GPC5: variants seen among roughly 807,000 people sequenced by gnomAD.
GPC5 encodes glypican 5.
GPC5 carries 47 observed loss-of-function variants against 53.9 expected under a neutral mutation model. The ratio of observed to expected loss-of-function variants is 0.87; its 90% CI spans 0.69 to 1.11. GPC5 has a LOEUF of 1.11. Among genes scored for constraint, GPC5 ranks in the 50% most tolerant of loss-of-function variants. The probability of loss-of-function intolerance (pLI) is 0.00; values close to 1 mark genes in which losing one functional copy is unlikely to be tolerated. For missense variants in GPC5, 748 were observed against 713.1 expected (o/e 1.05, Z -0.56); for synonymous variants, 286 against 263.3 (o/e 1.09, Z -0.84).
At chr13:92,694,561 T>A (rs1344184585) in intron 7 of GPC5, among the ~76,000 whole-genome samples, 1 of 152,246 alleles carries the variant, frequency 6.6e-6, no homozygotes, top group Non-Finnish European at 1.5e-5. Context: ...CATGGGCCTG[T>A]CATCCCTTTA....
chr13:92,760,714 T>C (rs1484659300), intron 7 of GPC5, among the ~76,000 whole-genome samples: 1 of 152,072 alleles, frequency 6.6e-6, no homozygotes, highest in African/African-American at 2.4e-5. Flanking sequence ...TTTAGTTTGA[T>C]CTTTATTTTT....
chr13:92,338,911 A>G (rs2043344301), intron 7 of GPC5, among the ~76,000 whole-genome samples: 2 of 152,126 alleles, frequency 1.3e-5, no homozygotes, highest in South Asian at 4.1e-4. Context: ...TGATATGTCA[A>G]TATAGATTCA....
At chr13:92,507,461 A>G (rs1880413730) in intron 7 of GPC5, among the ~76,000 whole-genome samples, 1 of 152,150 alleles carries the variant, frequency 6.6e-6, no homozygotes, top group South Asian at 2.1e-4. Flanking sequence ...TATTTTTTTC[A>G]TTCTGCAGTA....
At chr13:92,196,879 T>C (rs74857829) in intron 7 of GPC5, among the ~76,000 whole-genome samples, 2,232 of 152,282 alleles carry the variant, frequency 0.015, 60 homozygotes, top group African/African-American at 0.051. Flanking sequence ...GTTTCTATCT[T>C]CAGAGAGTGT....
chr13:91,428,262 TAGAATTTTTCTGAGTGACAGAAAGA>T (rs1879196131), intron 1 of GPC5, among the ~76,000 whole-genome samples: 1 of 151,584 alleles, frequency 6.6e-6, no homozygotes. Context: ...TAAGGCAGAG[TAGAATTTTTCTGAGTGACAGAAAGA>T]AAGCCCTCAG....
intron 7 of GPC5, among the ~76,000 whole-genome samples, chr13:92,341,863 T>C (rs994862347): frequency 6.6e-6 from 1 of 152,122 alleles, no homozygotes; most frequent in Non-Finnish European, 1.5e-5. Context: ...GGGGGAAATC[T>C]TTACCAATAA....
chr13:92,507,402 T>C (rs1880411006), intron 7 of GPC5, among the ~76,000 whole-genome samples: 1 of 152,236 alleles, frequency 6.6e-6, no homozygotes, highest in South Asian at 2.1e-4. Flanking sequence ...TAGCTTTCTT[T>C]GGCTTCAGTC....
chr13:92,730,604 C>CTT (rs146004832), intron 7 of GPC5, among the ~76,000 whole-genome samples: 17 of 149,748 alleles, frequency 1.1e-4, no homozygotes, highest in East Asian at 3.9e-4. Flanking sequence ...CTTTTTATTT[C>CTT]TTTTTTTTTG....
chr13:92,037,899 A>G (rs2040906431), intron 6 of GPC5, among the ~76,000 whole-genome samples: 2 of 152,178 alleles, frequency 1.3e-5, no homozygotes, highest in South Asian at 2.1e-4. Context: ...GAAGATTTTG[A>G]GCAGATTTCA....
intron 7 of GPC5, among the ~76,000 whole-genome samples, chr13:92,635,803 C>T (rs1000946462): frequency 6.6e-6 from 1 of 152,160 alleles, no homozygotes; most frequent in Non-Finnish European, 1.5e-5. Flanking sequence ...TTCCTTCTGC[C>T]AAGCTTACAT....
chr13:92,572,860 C>T (rs771025103), intron 7 of GPC5, among the ~76,000 whole-genome samples: 4 of 152,100 alleles, frequency 2.6e-5, no homozygotes, highest in Admixed American at 6.6e-5. Context: ...ATTCCTGTAG[C>T]TCTTCCCAAA....
intron 6 of GPC5, among the ~76,000 whole-genome samples, chr13:91,957,386 A>T (rs2040083434): frequency 6.6e-6 from 1 of 152,170 alleles, no homozygotes. Flanking sequence ...GACAAAGGGA[A>T]AGGAATAGAA....
intron 7 of GPC5, among the ~76,000 whole-genome samples, chr13:92,199,555 A>G (rs912806606): frequency 6.6e-6 from 1 of 152,214 alleles, no homozygotes; most frequent in Admixed American, 6.5e-5. Context: ...GACTTGAAAT[A>G]CTGTCTACTT....
chr13:91,512,659 A>G (rs571564987), intron 2 of GPC5, among the ~76,000 whole-genome samples: 39 of 152,218 alleles, frequency 2.6e-4, no homozygotes, highest in Admixed American at 2.2e-3. Context: ...GCTCCTCAGT[A>G]TGGTAATCTC....
intron 1 of GPC5, among the ~76,000 whole-genome samples, chr13:91,426,961 G>A (rs370143266): frequency 6.6e-6 from 1 of 152,240 alleles, no homozygotes; most frequent in Non-Finnish European, 1.5e-5. Flanking sequence ...GCTTCAGAGG[G>A]TGCAAGTCCC....
chr13:92,383,753 T>C (rs2043769419), intron 7 of GPC5, among the ~76,000 whole-genome samples: 1 of 152,208 alleles, frequency 6.6e-6, no homozygotes, highest in Non-Finnish European at 1.5e-5. Context: ...ACTCATGTCC[T>C]AAGTATAACT....
intron 2 of GPC5, among the ~76,000 whole-genome samples, chr13:91,573,448 C>G (rs1217210296): frequency 6.6e-6 from 1 of 152,138 alleles, no homozygotes; most frequent in Non-Finnish European, 1.5e-5. Flanking sequence ...ACTTTCTGAT[C>G]CTATGCGTAT....
chr13:92,342,467 G>C (rs1412743138), intron 7 of GPC5, among the ~76,000 whole-genome samples: 2 of 152,048 alleles, frequency 1.3e-5, no homozygotes, highest in East Asian at 3.9e-4. Flanking sequence ...CCGCCCTCAT[G>C]AATGAGATTA....
rs550711186 is a variant in GPC5, at chr13:92,069,096, C to A, written c.1402-75734C>A. On this transcript the variant is annotated intron_variant, in intron 6 of 7. Coordinates refer to ENST00000377067, the MANE Select transcript of GPC5 (RefSeq NM_004466.6). Reference sequence around the variant, plus strand: ...TATTTGTATGCATATGTACAGTTGTCCCAACACTATTTGTTGATAAGACTA... The same window carrying A: ...TATTTGTATGCATATGTACAGTTGTACCAACACTATTTGTTGATAAGACTA... Among the ~76,000 whole-genome samples the A allele has an allele frequency of 4.6e-5, 7 of 152,074 alleles. No homozygotes were observed. In the South Asian group the frequency reaches 1.5e-3, roughly 32 times the overall value.
Sources: gnomAD v4.1 joint callset for allele counts (sites outside exome capture counted in the v4.1 genomes callset) on GRCh38, gnomAD v4.1.1 for gene constraint, MANE v1.5 for transcripts, NCBI Gene and HGNC (gene_info 2026-07-23, HGNC 2026-07-21) for gene names.